The following MYT1L variants were observed in gnomAD, a reference collection of about 807,000 sequenced individuals.
MYT1L encodes myelin transcription factor 1-like protein.
Under a neutral mutation model 126.7 loss-of-function variants are expected in MYT1L, and 12 were observed. That is an observed-to-expected ratio of 0.09 (90% CI 0.06 to 0.15). The LOEUF is 0.15. MYT1L is among the 10% of genes least tolerant of loss of function. MYT1L has a pLI of 1.00. For synonymous variants in MYT1L, 541 were observed against 604.2 expected (o/e 0.90, Z 1.53); for missense variants, 979 against 1,585.2 (o/e 0.62, Z 6.49).
intron 3 of MYT1L, among the ~76,000 whole-genome samples, chr2:2,117,691 G>A (rs1026036601): frequency 2.0e-5 from 3 of 151,964 alleles, no homozygotes; most frequent in African/African-American, 7.3e-5. Context: ...TTAACTTAAC[G>A]GAATAAGAAA....
intron 21 of MYT1L, among the ~76,000 whole-genome samples, chr2:1,813,826 G>C (rs1221609717): frequency 1.5e-5 from 2 of 134,514 alleles, no homozygotes; most frequent in Non-Finnish European, 3.2e-5. Context: ...AGGAGATCGA[G>C]ACCATCCTGG....
At chr2:1,984,505 ATT>A (rs35510686) in intron 5 of MYT1L, among the ~76,000 whole-genome samples, 28 of 114,234 alleles carry the variant, frequency 2.5e-4, no homozygotes, top group African/African-American at 7.8e-4. Context: ...CCAAGAACTA[ATT>A]TTTTTTTTTT....
intron 2 of MYT1L, among the ~76,000 whole-genome samples, chr2:2,246,964 G>A (rs1028950406): frequency 6.6e-6 from 1 of 152,272 alleles, no homozygotes; most frequent in African/African-American, 2.4e-5. Flanking sequence ...CAATTCCGTA[G>A]ACTTCATAAT....
At chr2:2,197,371 A>G (rs969001765) in intron 2 of MYT1L, among the ~76,000 whole-genome samples, 3 of 152,162 alleles carry the variant, frequency 2.0e-5, no homozygotes, top group Non-Finnish European at 4.4e-5. Flanking sequence ...AAAACAAGAC[A>G]GAAAAGGAAA....
intron 1 of MYT1L, among the ~76,000 whole-genome samples, chr2:2,322,040 C>T (rs1456778877): frequency 6.6e-6 from 1 of 152,138 alleles, no homozygotes; most frequent in Non-Finnish European, 1.5e-5. Context: ...CATATACACG[C>T]ACTCACAAAA....
At chr2:1,871,995 A>G (rs948229493) in intron 18 of MYT1L, among the ~76,000 whole-genome samples, 1 of 152,150 alleles carries the variant, frequency 6.6e-6, no homozygotes, top group African/African-American at 2.4e-5. Context: ...CGTAGAGACA[A>G]TGGAGCACCT....
intron 2 of MYT1L, among the ~76,000 whole-genome samples, chr2:2,234,972 C>T (rs573848310): frequency 6.6e-6 from 1 of 152,332 alleles, no homozygotes; most frequent in African/African-American, 2.4e-5. Context: ...TCTCTGCTGG[C>T]TCCTCACCCT....
At chr2:2,104,796 G>C (rs2078544303) in intron 3 of MYT1L, among the ~76,000 whole-genome samples, 1 of 152,202 alleles carries the variant, frequency 6.6e-6, no homozygotes. Context: ...CTGCATGGTT[G>C]GGGGAGGGCA....
intron 2 of MYT1L, among the ~76,000 whole-genome samples, chr2:2,238,950 G>A (rs1467257944): frequency 6.6e-6 from 1 of 152,176 alleles, no homozygotes; most frequent in Non-Finnish European, 1.5e-5. Flanking sequence ...CCAAGAGCCT[G>A]CACAAAGAGT....
intron 1 of MYT1L, among the ~76,000 whole-genome samples, chr2:2,304,169 A>G (rs1425238601): frequency 6.6e-6 from 1 of 152,248 alleles, no homozygotes; most frequent in Non-Finnish European, 1.5e-5. Flanking sequence ...TAAAAATTAA[A>G]CAAGTATCTA....
At chr2:2,033,282 T>G in intron 4 of MYT1L, among the ~76,000 whole-genome samples, 1 of 139,174 alleles carries the variant, frequency 7.2e-6, no homozygotes, top group African/African-American at 2.7e-5. Flanking sequence ...TCTCATCCTG[T>G]GGCCCAGAGC....
chr2:1,978,965 T>C (rs1180599004), intron 8 of MYT1L, among the ~76,000 whole-genome samples, 200 bp downstream of exon 8: 1 of 152,138 alleles, frequency 6.6e-6, no homozygotes, highest in Admixed American at 6.5e-5. Context: ...GTGTCACCTA[T>C]TCTGCCCACG....
intron 3 of MYT1L, among the ~76,000 whole-genome samples, chr2:2,166,230 C>A (rs2089090337): frequency 6.6e-6 from 1 of 152,108 alleles, no homozygotes; most frequent in African/African-American, 2.4e-5. Flanking sequence ...CATGAACCAG[C>A]GAGGCTGTTT....
At chr2:2,185,032 G>A (rs907874917) in intron 2 of MYT1L, among the ~76,000 whole-genome samples, 1 of 152,114 alleles carries the variant, frequency 6.6e-6, no homozygotes, top group Non-Finnish European at 1.5e-5. Context: ...GCTTGTCAGA[G>A]GATCCACTGA....
Position 2,161,815 on chromosome 2 carries a change from T to A in MYT1L, c.-304+11057A>T, listed in dbSNP as rs368583771. 9.2e-5 allele frequency among the ~76,000 whole-genome samples: 14 copies of A among 152,248 alleles called. No homozygotes were observed. In the East Asian group the frequency reaches 1.4e-3, roughly 15 times the overall value. Reference sequence around the variant, plus strand: ...TGCATATGAATTTGTGGGGTACTTATTAAAATTTTTTATATCCAGGCCCTA... The same window carrying A: ...TGCATATGAATTTGTGGGGTACTTAATAAAATTTTTTATATCCAGGCCCTA... On this transcript the variant is annotated intron_variant, in intron 3 of 24. Coordinates refer to ENST00000647738, the MANE Select transcript of MYT1L (RefSeq NM_001303052.2).
intron 3 of MYT1L, among the ~76,000 whole-genome samples, chr2:2,098,098 G>C (rs759005319): frequency 1.3e-5 from 2 of 152,138 alleles, no homozygotes; most frequent in Non-Finnish European, 2.9e-5. Flanking sequence ...TGTGCAACCT[G>C]CAGAACCATG....
At chr2:2,284,763 T>G (rs1326018076) in intron 1 of MYT1L, among the ~76,000 whole-genome samples, 1 of 142,598 alleles carries the variant, frequency 7.0e-6, no homozygotes, top group Admixed American at 6.9e-5. Context: ...TGGAGTGCAG[T>G]GGCGGGATCT....
intron 21 of MYT1L, among the ~76,000 whole-genome samples, chr2:1,831,791 G>A (rs911820871): frequency 5.3e-5 from 8 of 151,996 alleles, no homozygotes; most frequent in South Asian, 2.1e-4. Flanking sequence ...CGGCCTCTCC[G>A]CCTCCACCTG....
At chr2:2,279,794 G>A (rs576998968) in intron 2 of MYT1L, among the ~76,000 whole-genome samples, 5 of 152,206 alleles carry the variant, frequency 3.3e-5, no homozygotes, top group East Asian at 1.9e-4. Flanking sequence ...ACCCTCAAGC[G>A]GGCAACACTG....
Sources: allele counts gnomAD v4.1 joint callset (sites outside exome capture counted in the v4.1 genomes callset), GRCh38; gene constraint gnomAD v4.1.1; transcripts MANE v1.5; gene names NCBI Gene and HGNC (gene_info 2026-07-23, HGNC 2026-07-21).